SGCZ: variants seen among roughly 807,000 people sequenced by gnomAD.
The protein encoded by SGCZ is zeta-sarcoglycan.
A neutral mutation model predicts 41.3 loss-of-function variants in SGCZ; 40 were observed. The observed-to-expected ratio is 0.97, with a 90% confidence interval of 0.75 to 1.26. The LOEUF (loss-of-function observed/expected upper bound fraction) is 1.26. SGCZ is among the 50% of genes most tolerant of loss of function. The pLI is 0.00. For missense variants in SGCZ, 552 were observed against 369.8 expected, an observed-to-expected ratio of 1.49 and a Z score of -4.04; for synonymous variants, 206 against 137.5, an observed-to-expected ratio of 1.50 and a Z score of -3.49.
chr8:15,003,576 A>C (rs1428985654), intron 1 of SGCZ, among the ~76,000 whole-genome samples: 2 of 152,252 alleles, frequency 1.3e-5, no homozygotes, highest in African/African-American at 4.8e-5. Context: ...GTGTTGACTT[A>C]AATAAATAGA....
intron 3 of SGCZ, among the ~76,000 whole-genome samples, chr8:14,322,127 G>A (rs1421818199): frequency 2.6e-5 from 4 of 152,064 alleles, no homozygotes; most frequent in Non-Finnish European, 4.4e-5. Flanking sequence ...TGGAGATTTC[G>A]TTCATGTTTA....
intron 4 of SGCZ, among the ~76,000 whole-genome samples, chr8:14,197,523 G>C (rs990065038): frequency 2.6e-4 from 40 of 151,744 alleles, no homozygotes; most frequent in African/African-American, 9.4e-4. Flanking sequence ...TACCAATATA[G>C]TTCATTAAAT....
chr8:14,701,782 C>T (rs977869851), intron 1 of SGCZ, among the ~76,000 whole-genome samples: 2 of 151,884 alleles, frequency 1.3e-5, no homozygotes, highest in African/African-American at 4.8e-5. Flanking sequence ...CTGCCTCCTT[C>T]CTACTAACAT....
chr8:15,204,922 T>C (rs1412119508), intron 1 of SGCZ, among the ~76,000 whole-genome samples: 5 of 152,168 alleles, frequency 3.3e-5, no homozygotes, highest in African/African-American at 9.7e-5. Flanking sequence ...AACCAGTTAG[T>C]GAAACCTGAA....
intron 7 of SGCZ, among the ~76,000 whole-genome samples, chr8:14,098,178 A>T (rs1206380081): frequency 6.6e-6 from 1 of 152,188 alleles, no homozygotes; most frequent in East Asian, 1.9e-4. Context: ...AACAGTATTC[A>T]AAGTTAAAAA....
At chr8:14,579,115 C>T (rs1037285992) in intron 1 of SGCZ, among the ~76,000 whole-genome samples, 1 of 152,050 alleles carries the variant, frequency 6.6e-6, no homozygotes, top group Non-Finnish European at 1.5e-5. Context: ...TTCCCAGCAA[C>T]AGAAAGAGAA....
At chr8:14,497,196 G>T (rs1802013535) in intron 2 of SGCZ, among the ~76,000 whole-genome samples, 1 of 152,106 alleles carries the variant, frequency 6.6e-6, no homozygotes. Flanking sequence ...AAAAACAGAG[G>T]TTTATCTTGG....
intron 1 of SGCZ, among the ~76,000 whole-genome samples, chr8:14,714,320 T>C (rs1265779024): frequency 6.6e-6 from 1 of 152,054 alleles, no homozygotes; most frequent in East Asian, 1.9e-4. Flanking sequence ...TTTTAAAAGT[T>C]TATAGAAGTT....
chr8:15,126,565 C>A (rs890001189), intron 1 of SGCZ, among the ~76,000 whole-genome samples: 4 of 152,080 alleles, frequency 2.6e-5, no homozygotes, highest in African/African-American at 7.2e-5. Flanking sequence ...CATGGAAGAA[C>A]TGATGTGAAA....
chr8:14,209,351 C>G (rs754629029), intron 4 of SGCZ, among the ~76,000 whole-genome samples: 2 of 151,876 alleles, frequency 1.3e-5, no homozygotes, highest in African/African-American at 4.8e-5. Context: ...CTCTTTCTTT[C>G]GCCTGTTAAA....
intron 1 of SGCZ, among the ~76,000 whole-genome samples, chr8:15,097,459 C>A (rs902491359): frequency 2.0e-5 from 3 of 151,878 alleles, no homozygotes; most frequent in Non-Finnish European, 4.4e-5. Context: ...AAAAAAATCC[C>A]ATTGCTAGGA....
chr8:14,352,374 A>G (rs59793659), intron 2 of SGCZ, among the ~76,000 whole-genome samples: 2 of 152,230 alleles, frequency 1.3e-5, no homozygotes, highest in African/African-American at 4.8e-5. Context: ...AAAGGGCAAG[A>G]GCACACAAGA....
intron 1 of SGCZ, among the ~76,000 whole-genome samples, chr8:15,208,925 T>C (rs1801156711): frequency 6.8e-6 from 1 of 147,026 alleles, no homozygotes; most frequent in African/African-American, 2.5e-5. Context: ...AGAGAGAGAA[T>C]TGTTCCTAAT....
chr8:14,286,829 T>C (rs540054103), intron 3 of SGCZ, among the ~76,000 whole-genome samples: 14 of 152,262 alleles, frequency 9.2e-5, no homozygotes, highest in East Asian at 5.8e-4. Flanking sequence ...TCTAGAAAGA[T>C]TGAAGCAATT....
chr8:14,751,377 T>C lies in SGCZ; in HGVS notation c.40-196451A>G, dbSNP rs142757171. On this transcript the variant is annotated intron_variant, in intron 1 of 7. Coordinates refer to ENST00000382080, the MANE Select transcript of SGCZ (RefSeq NM_139167.4). ...AAACATTATCTAGTCCATTCATTAGTAGGATCTAGAGTATTTATACCATAT... is the reference window on the plus strand; with the variant it reads ...AAACATTATCTAGTCCATTCATTAGCAGGATCTAGAGTATTTATACCATAT... 4.5e-3 allele frequency among the ~76,000 whole-genome samples: 691 copies of C among 152,262 alleles called. 2 individuals are homozygous for C. Among genetic ancestry groups the C allele is most frequent in the East Asian group, 0.011 (57 of 5,162 alleles).
In SGCZ at chr8:14,456,701, A is replaced by G. The variant is rs138595956; in HGVS notation, c.234+98031T>C. 3.3e-4 allele frequency among the ~76,000 whole-genome samples: 50 copies of G among 152,288 alleles called. No individual in the cohort carries two copies. The East Asian group carries it at 9.7e-3, about 29-fold the overall frequency. On this transcript the variant is annotated intron_variant, in intron 2 of 7. Coordinates refer to ENST00000382080, the MANE Select transcript of SGCZ (RefSeq NM_139167.4). The stretch of plus-strand genomic sequence containing the variant: ...CTGTATCGCACTTTTCTGAATATAC[A>G]TGGGATATAGTTTGAATATATGTCC...
chr8:14,795,040 G>T (rs1801079826), intron 1 of SGCZ, among the ~76,000 whole-genome samples: 1 of 152,142 alleles, frequency 6.6e-6, no homozygotes, highest in East Asian at 1.9e-4. Flanking sequence ...GGAGGATATG[G>T]TTTACAAAGA....
At chr8:14,164,797 T>C (rs891218221) in intron 4 of SGCZ, 95 bp from the exon 5 acceptor site, 5 of 1,386,912 alleles carry the variant, frequency 3.6e-6, no homozygotes, top group Non-Finnish European at 4.9e-6. Context: ...ATATATTATT[T>C]AATTTGTTTA....
At chr8:15,222,111 G>C (rs1195741181) in intron 1 of SGCZ, among the ~76,000 whole-genome samples, 2 of 152,156 alleles carry the variant, frequency 1.3e-5, no homozygotes, top group African/African-American at 4.8e-5. Flanking sequence ...GCATTTAAAA[G>C]AGAATCCAAA....
Sources: allele counts gnomAD v4.1 joint callset (sites outside exome capture counted in the v4.1 genomes callset), GRCh38; gene constraint gnomAD v4.1.1; transcripts MANE v1.5; gene names NCBI Gene and HGNC (gene_info 2026-07-23, HGNC 2026-07-21).